MPP7: variants seen among roughly 807,000 people sequenced by gnomAD.
The protein encoded by MPP7 is MAGUK p55 scaffold protein 7, also known as MAGUK p55 subfamily member 7.
In MPP7, 60 loss-of-function variants were observed where a neutral mutation model predicts 76.5. That is an observed-to-expected ratio of 0.78 (90% confidence interval 0.64 to 0.97). The LOEUF (loss-of-function observed/expected upper bound fraction) is 0.97. Among genes scored for constraint, MPP7 ranks in the 50% least tolerant of loss-of-function variants. The pLI is 0.00. For missense variants in MPP7, 641 were observed against 694.0 expected, an observed-to-expected ratio of 0.92 and a Z score of 0.86; for synonymous variants, 237 against 244.5, an observed-to-expected ratio of 0.97 and a Z score of 0.29.
intron 3 of MPP7, among the ~76,000 whole-genome samples, chr10:28,198,544 C>T (rs1229729163): frequency 6.6e-6 from 1 of 151,058 alleles, no homozygotes; most frequent in Admixed American, 6.6e-5. Flanking sequence ...CATTACACTC[C>T]AGCCTGGGCA....
chr10:28,091,783 A>T (rs910683966), intron 11 of MPP7, among the ~76,000 whole-genome samples: 1 of 152,162 alleles, frequency 6.6e-6, no homozygotes, highest in African/African-American at 2.4e-5. Flanking sequence ...TTTCATCTGT[A>T]TTGAGACTTT....
intron 3 of MPP7, among the ~76,000 whole-genome samples, chr10:28,196,767 A>T (rs555326835): frequency 6.6e-6 from 1 of 152,174 alleles, no homozygotes; most frequent in Non-Finnish European, 1.5e-5. Flanking sequence ...ACTGAACATC[A>T]GCCTCCCTCT....
At chr10:28,097,554 A>C (rs1853625661) in intron 11 of MPP7, among the ~76,000 whole-genome samples, 1 of 152,160 alleles carries the variant, frequency 6.6e-6, no homozygotes, top group African/African-American at 2.4e-5. Flanking sequence ...TAAATGATAA[A>C]ATGAAGTCAA....
At chr10:28,103,058 T>C (rs756102921) in intron 11 of MPP7, among the ~76,000 whole-genome samples, 3 of 152,250 alleles carry the variant, frequency 2.0e-5, no homozygotes, top group African/African-American at 4.8e-5. Flanking sequence ...CTCTGGTCTC[T>C]TGACCCATCT....
chr10:28,325,920 G>C (rs1564773296), intron 2 of MPP7, among the ~76,000 whole-genome samples: 1 of 148,236 alleles, frequency 6.7e-6, no homozygotes, highest in Admixed American at 6.8e-5. Context: ...AGGCTGCAGT[G>C]AGCTATGATC....
chr10:28,123,618 G>A (rs940634328), intron 8 of MPP7, among the ~76,000 whole-genome samples: 6 of 151,826 alleles, frequency 4.0e-5, no homozygotes, highest in African/African-American at 1.2e-4. Context: ...ACAGGTGACT[G>A]CCACCACGTG....
At chr10:28,094,476 T>C (rs1349732230) in intron 11 of MPP7, among the ~76,000 whole-genome samples, 1 of 152,168 alleles carries the variant, frequency 6.6e-6, no homozygotes, top group African/African-American at 2.4e-5. Flanking sequence ...AAGGATTAAA[T>C]AATTCATGTA....
intron 2 of MPP7, among the ~76,000 whole-genome samples, chr10:28,217,773 T>A (rs1204997578): frequency 1.3e-5 from 2 of 152,142 alleles, no homozygotes; most frequent in Non-Finnish European, 2.9e-5. Context: ...AAAGTCCTCA[T>A]GCTTTGTAAA....
Position 28,056,558 on chromosome 10 carries a change from T to A in MPP7, c.1473A>T (p.Ile491=), listed in dbSNP as rs1236764825. Residue 491 remains isoleucine, a synonymous_variant, in exon 16 of 17, where the codon ATA becomes ATT. Coordinates refer to ENST00000683449, the MANE Select transcript of MPP7 (RefSeq NM_001318170.2). ...PYVIFIKPPS[I]ERLRETRKNA... is the part of the protein sequence containing the mutation. ...TTTTTCTTGTTTCTCTCAAACGCTC[T>A]ATTGATGGAGGCTTTATAAATATCA... 3 of 1,612,418 alleles carry A rather than the reference T, an allele frequency of 1.9e-6. No homozygotes were observed. In the African/African-American group the frequency reaches 4.0e-5, roughly 22 times the overall value.
chr10:28,196,583 G>A (rs958975534), intron 3 of MPP7, among the ~76,000 whole-genome samples: 1 of 151,990 alleles, frequency 6.6e-6, no homozygotes, highest in Non-Finnish European at 1.5e-5. Flanking sequence ...CATCTCCTCT[G>A]AGGAGATGGT....
At chr10:28,237,343 G>GA (rs1209538104) in intron 2 of MPP7, among the ~76,000 whole-genome samples, 2 of 151,326 alleles carry the variant, frequency 1.3e-5, no homozygotes, top group African/African-American at 2.4e-5. Context: ...CTAAAAAGAA[G>GA]AAAAAAAATT....
intron 3 of MPP7, among the ~76,000 whole-genome samples, chr10:28,167,426 C>A (rs1336254441): frequency 2.6e-5 from 4 of 152,076 alleles, no homozygotes; most frequent in African/African-American, 9.7e-5. Context: ...CCACTGGGTA[C>A]ACGGGGACAT....
At chr10:28,281,305 T>G (rs979953581) in intron 1 of MPP7, among the ~76,000 whole-genome samples, 5 of 151,998 alleles carry the variant, frequency 3.3e-5, no homozygotes, top group African/African-American at 1.2e-4. Context: ...GCCAGGCTGG[T>G]CTCAAACTCC....
At chr10:28,057,857 A>T in intron 15 of MPP7, 1 of 1,235,930 alleles carries the variant, frequency 8.1e-7, no homozygotes, top group Non-Finnish European at 1.0e-6. Flanking sequence ...TCCCTGGGGG[A>T]TGAGGAAAAT....
At chr10:28,314,478 G>A (rs1303318799) in intron 2 of MPP7, among the ~76,000 whole-genome samples, 1 of 152,198 alleles carries the variant, frequency 6.6e-6, no homozygotes. Context: ...CTTGATGAAA[G>A]AGCTGGTGTT....
intron 12 of MPP7, among the ~76,000 whole-genome samples, chr10:28,083,568 G>C (rs72801882): frequency 8.3e-6 from 1 of 120,636 alleles, no homozygotes. Context: ...ATGGAGCTTC[G>C]CTCTTGTTCC....
At chr10:28,238,904 T>G (rs1839170114) in intron 1 of MPP7, among the ~76,000 whole-genome samples, 169 bp from the exon 2 acceptor site, 1 of 152,228 alleles carries the variant, frequency 6.6e-6, no homozygotes, top group South Asian at 2.1e-4. Flanking sequence ...GTTTCTGATC[T>G]TGACAAGCAA....
At chr10:28,262,226 CATAT>C (rs57848111) in intron 1 of MPP7, among the ~76,000 whole-genome samples, 868 of 42,610 alleles carry the variant, frequency 0.02, 67 homozygotes, top group Non-Finnish European at 0.022. Flanking sequence ...TATATATATA[CATAT>C]ATATATATAT....
chr10:28,105,152 CAAAAAAAAAAA>C (rs869250857), intron 11 of MPP7, among the ~76,000 whole-genome samples: 786 of 29,644 alleles, frequency 0.027, 5 homozygotes, highest in South Asian at 0.07. Context: ...GACTCCATCT[CAAAAAAAAAAA>C]AAAAAAAAAA....
Sources: gnomAD v4.1 joint callset for allele counts (sites outside exome capture counted in the v4.1 genomes callset) on GRCh38, gnomAD v4.1.1 for gene constraint, MANE v1.5 for transcripts, NCBI Gene and HGNC (gene_info 2026-07-23, HGNC 2026-07-21) for gene names.